Variants in CCNA1 observed in about 807,000 individuals in gnomAD.
CCNA1 encodes cyclin A1.
A neutral mutation model predicts 54.1 loss-of-function variants in CCNA1; 23 were observed. The ratio of observed to expected loss-of-function variants is 0.42; its 90% CI spans 0.31 to 0.60. CCNA1 has a LOEUF of 0.60. Among genes scored for constraint, CCNA1 ranks in the 20% least tolerant of loss-of-function variants. The probability of loss-of-function intolerance (pLI) is 0.14; values close to 1 mark genes in which losing one functional copy is unlikely to be tolerated. For synonymous variants in CCNA1, 208 were observed against 213.9 expected (o/e 0.97, Z 0.24); for missense variants, 450 against 556.7 (o/e 0.81, Z 1.93).
chr13:36,432,593 GCAGCGC>G lies in CCNA1; in HGVS notation c.-28_-23del. 1 of 1,456,910 alleles carries G rather than the reference GCAGCGC, an allele frequency of 6.9e-7. No individual in the cohort carries two copies. Among genetic ancestry groups the G allele is most frequent in the South Asian group, 1.3e-5 (1 of 75,052 alleles). 90.2% of individuals were successfully genotyped at this position (1,456,910 alleles called of 1,614,324 possible). On this transcript the variant is annotated 5_prime_UTR_variant, in exon 1 of 9. Transcript: ENST00000255465. ...GCCTCCTGTCTGGTGGGAGGAGGCCGCAGCGCAGCACCCTGCTCGTCACTTGGGATG... is the reference window on the plus strand; with the variant it reads ...GCCTCCTGTCTGGTGGGAGGAGGCCGAGCACCCTGCTCGTCACTTGGGATG...
At chr13:36,432,832 A>G in intron 1 of CCNA1, 103 bp downstream of exon 1, 2 of 989,288 alleles carry the variant, frequency 2.0e-6, no homozygotes, top group Non-Finnish European at 3.1e-6. Flanking sequence ...CAGGGATTCA[A>G]ATAACTGTTT....
chr13:36,437,796 G>A lies in CCNA1; in HGVS notation c.465G>A (p.Gly155=), dbSNP rs1177645216. ...GAGACAGCTGCTCGGTCAGAGAGGG[G>A]ATGGCATTTGAGGATGTGTATGAAG... The change falls in exon 3 of 9, where the codon GGG becomes GGA. Residue 155 remains glycine (G), a synonymous_variant. Coordinates refer to ENST00000255465, the MANE Select transcript of CCNA1 (RefSeq NM_003914.4). 1.2e-6 allele frequency: 2 copies of A among 1,614,040 alleles called. No individual in the cohort carries two copies. The highest frequency in any genetic ancestry group is 1.7e-5 in the Admixed American group (1 of 60,004).
chr13:36,437,703 C>A lies in CCNA1; in HGVS notation c.372C>A (p.Asp124Glu). ...CAGCTGGAAAGAAAGCACTCCCTGA[C>A]TGTGGGGTCCAAGAGCCCCCCAAGC... Residue 124 changes from aspartate to glutamate, a missense_variant, in exon 3 of 9, where the codon GAC (aspartate) becomes GAA (glutamate). This residue lies in a region of CCNA1 where 103 missense variants were observed against 92.9 expected (regional missense o/e 1.11). Coordinates refer to ENST00000255465, the MANE Select transcript of CCNA1 (RefSeq NM_003914.4). 6.2e-7 allele frequency: 1 copy of A among 1,614,082 alleles called. No homozygotes were observed. The highest frequency in any genetic ancestry group is 8.5e-7 in the Non-Finnish European group (1 of 1,179,940).
intron 2 of CCNA1, 34 bp downstream of exon 2, chr13:36,433,255 T>C (rs768719282): frequency 1.3e-6 from 2 of 1,557,242 alleles, no homozygotes; most frequent in Non-Finnish European, 8.7e-7. Context: ...ATGATGCTTG[T>C]GGAGAACAGC....
intron 2 of CCNA1, among the ~76,000 whole-genome samples, chr13:36,433,439 T>TTTTCTTTCGTTCGTTCG (rs1566169703): frequency 8.8e-5 from 6 of 68,126 alleles, no homozygotes; most frequent in African/African-American, 2.7e-4. Context: ...TCTTTCTTTC[T>TTTTCTTTCGTTCGTTCG]TTCGTTCTTT....
At chr13:36,432,796 G>A in intron 1 of CCNA1, 67 bp downstream of exon 1, 1 of 1,137,782 alleles carries the variant, frequency 8.8e-7, no homozygotes, top group Non-Finnish European at 1.3e-6. Context: ...AGCCCAACAC[G>A]AAGTCTTGGG....
At chr13:36,434,894 C>A (rs2055783319) in intron 2 of CCNA1, among the ~76,000 whole-genome samples, 1 of 148,954 alleles carries the variant, frequency 6.7e-6, no homozygotes. Flanking sequence ...GTTACTCTAG[C>A]CACTTTTCTT....
At chr13:36,433,408 T>C (rs2055748849) in intron 2 of CCNA1, among the ~76,000 whole-genome samples, 187 bp downstream of exon 2, 1 of 119,260 alleles carries the variant, frequency 8.4e-6, no homozygotes, top group African/African-American at 3.1e-5. Context: ...CTTTCTTTCT[T>C]TCTTTCTTTC....
At chr13:36,439,947 A>G (rs201828507) in intron 5 of CCNA1, 32 bp from the exon 6 acceptor site, 1 of 1,504,620 alleles carries the variant, frequency 6.6e-7, no homozygotes, top group Non-Finnish European at 9.2e-7. Flanking sequence ...AAAGGTTCTA[A>G]GTTTTACTTC....
chr13:36,438,725 CTGG>C lies in CCNA1; in HGVS notation c.755_757del (p.Val252del), dbSNP rs1161130019. ...CATGCGCACGATTCTGGTGGACTGG[CTGG>C]TGGAGGTTGGGGAAGAATATAAACT... On this transcript the variant is annotated inframe_deletion, in exon 5 of 9. Transcript: ENST00000255465. 6.2e-7 allele frequency: 1 copy of C among 1,614,062 alleles called. No individual in the cohort carries two copies. The highest frequency in any genetic ancestry group is 1.7e-5 in the Admixed American group (1 of 59,984).
rs375092863 is a variant in CCNA1 at position 36,433,292 on chromosome 13, T to C, written c.297+71T>C. ...CTCCTGCTTTGGTGCCAGGTGCTTT[T>C]CTCTTGCCCTTGTACCTACAACTCC... On this transcript the variant is annotated intron_variant, in intron 2 of 8. Coordinates refer to ENST00000255465, the MANE Select transcript of CCNA1 (RefSeq NM_003914.4). 4.7e-6 allele frequency: 6 copies of C among 1,266,766 alleles called. No individual in the cohort carries two copies. The East Asian group carries it at 1.2e-4, about 26-fold the overall frequency. 78.5% of individuals were successfully genotyped at this position (1,266,766 alleles called of 1,614,324 possible). A position where few individuals can be genotyped will look rare whatever the true frequency, so the allele number is the denominator to read the frequency against.
chr13:36,432,973 T>C (rs989394069), intron 1 of CCNA1, 60 bp from the exon 2 acceptor site: 45 of 1,524,776 alleles, frequency 3.0e-5, no homozygotes, highest in Non-Finnish European at 3.9e-5. Flanking sequence ...CGCTGTGTCC[T>C]TGGAGCCCGG....
rs2055738952 is a variant in CCNA1, at chr13:36,433,207, A to G, written c.283A>G (p.Arg95Gly). The G allele has an allele frequency of 1.2e-6, 2 of 1,612,532 alleles. No individual in the cohort carries two copies. The highest frequency in any genetic ancestry group is 1.7e-5 in the Admixed American group (1 of 59,756). The change falls in exon 2 of 9, where the codon AGG (arginine) becomes GGG (glycine). Residue 95 changes from arginine (R) to glycine (G), a missense_variant. By Grantham distance (125) the Arg-to-Gly change is moderately radical (BLOSUM62 -2). This residue lies in a region of CCNA1 where 19 missense variants were observed against 40.5 expected (regional missense o/e 0.47). Transcript: ENST00000255465. ...GCTAACTGCAAATGGGCAGTACAGG[A>G]GGACCTGTGGCCAGGTAATGACTCA...
chr13:36,438,043 T>A, intron 3 of CCNA1, 24 bp from the exon 4 acceptor site: 1 of 1,608,222 alleles, frequency 6.2e-7, no homozygotes, highest in South Asian at 1.1e-5. Context: ...AAATGAGTTA[T>A]CTGACAGTGT....
intron 4 of CCNA1, 48 bp downstream of exon 4, chr13:36,438,239 T>TTAC (rs745479639): frequency 8.4e-6 from 13 of 1,547,998 alleles, no homozygotes; most frequent in Non-Finnish European, 1.1e-5. Flanking sequence ...CGAGCTCTTA[T>TTAC]TACTAAGATA....
At chr13:36,435,819 C>T (rs904975055) in intron 2 of CCNA1, among the ~76,000 whole-genome samples, 4 of 152,158 alleles carry the variant, frequency 2.6e-5, no homozygotes, top group Admixed American at 6.5e-5. Context: ...TAATAAGCAA[C>T]GTATAAAACG....
intron 2 of CCNA1, among the ~76,000 whole-genome samples, chr13:36,435,735 C>T (rs2137817996): frequency 6.6e-6 from 1 of 152,334 alleles, no homozygotes; most frequent in Admixed American, 6.5e-5. Context: ...ATTTCTATCT[C>T]TGGCCTGGGC....
At position 36,442,764 on chromosome 13, in the gene CCNA1, A is replaced by C; in HGVS notation, c.*99A>C. 1.1e-6 allele frequency: 1 copy of C among 919,756 alleles called. No individual in the cohort carries two copies. Among genetic ancestry groups the C allele is most frequent in the Admixed American group, 2.1e-5 (1 of 46,638 alleles). The allele number at this position is 919,756 out of a possible 1,614,324, so 57.0% of individuals were successfully genotyped here. ...CGTTGGATCAACTAATGTTGTTTACAATATAGATGACATTTTAAAAATGTA... is the reference window on the plus strand; with the variant it reads ...CGTTGGATCAACTAATGTTGTTTACCATATAGATGACATTTTAAAAATGTA... On this transcript the variant is annotated 3_prime_UTR_variant, in exon 9 of 9. Coordinates refer to ENST00000255465, the MANE Select transcript of CCNA1 (RefSeq NM_003914.4).
intron 1 of CCNA1, 134 bp from the exon 2 acceptor site, chr13:36,432,899 A>T: frequency 9.8e-7 from 1 of 1,017,448 alleles, no homozygotes; most frequent in Non-Finnish European, 1.5e-6. Flanking sequence ...CAGCCCCAAT[A>T]ATTACTGGGA....
Sources: gnomAD v4.1 joint callset for allele counts (sites outside exome capture counted in the v4.1 genomes callset) on GRCh38, gnomAD v4.1.1 for gene constraint, gnomAD v4.1.1 regional missense constraint, MANE v1.5 for transcripts, NCBI Gene and HGNC (gene_info 2026-07-23, HGNC 2026-07-21) for gene names.